HOMER2: variants seen among roughly 807,000 people sequenced by gnomAD.
The protein encoded by HOMER2 is homer scaffold protein 2.
HOMER2 carries 27 observed loss-of-function variants against 47.0 expected under a neutral mutation model. The ratio of observed to expected loss-of-function variants is 0.57; its 90% CI spans 0.42 to 0.79. The LOEUF (loss-of-function observed/expected upper bound fraction) is 0.79, where lower values mean the gene tolerates loss of function less well. Ranked by LOEUF, HOMER2 falls within the 30% of genes least tolerant of loss-of-function variation. The pLI, the probability that HOMER2 is intolerant of heterozygous loss-of-function variation, is 0.00. For synonymous variants in HOMER2, 161 were observed against 163.8 expected, an observed-to-expected ratio of 0.98 and a Z score of 0.13; for missense variants, 443 against 435.0, an observed-to-expected ratio of 1.02 and a Z score of -0.16.
intron 1 of HOMER2, among the ~76,000 whole-genome samples, chr15:82,900,591 CAGA>C (rs1434795255): frequency 6.6e-6 from 1 of 152,124 alleles, no homozygotes; most frequent in African/African-American, 2.4e-5. Flanking sequence ...GCAAACAAGG[CAGA>C]AGGTCTTAGC....
At chr15:82,934,993 C>T (rs1333148801) in intron 1 of HOMER2, among the ~76,000 whole-genome samples, 1 of 152,146 alleles carries the variant, frequency 6.6e-6, no homozygotes, top group African/African-American at 2.4e-5. Flanking sequence ...CCACACCAAT[C>T]CCGCCTGCAT....
At position 82,851,330 on chromosome 15, in the gene HOMER2, G is replaced by A. The variant is rs1193113492; in HGVS notation, c.763-99C>T. ...TGCACGCTCGTGGAAGCAGCTTTGG[G>A]ACCCTGTCCTGTTTGCATAGACAGT... is the stretch of plus-strand genomic sequence containing the variant. On this transcript the variant is annotated intron_variant, in intron 7 of 8. Coordinates refer to ENST00000450735, the MANE Select transcript of HOMER2 (RefSeq NM_004839.4). The A allele has an allele frequency of 6.4e-6, 5 of 785,350 alleles. No homozygotes were observed. The Admixed American group carries it at 1.0e-4, about 16-fold the overall frequency. The allele number at this position is 785,350 out of a possible 1,614,324, so 48.6% of individuals were successfully genotyped here. A position where few individuals can be genotyped will look rare whatever the true frequency, so the allele number is the denominator to read the frequency against.
chr15:82,858,287 CTTTTT>C (rs368230707), intron 5 of HOMER2, among the ~76,000 whole-genome samples: 4 of 148,218 alleles, frequency 2.7e-5, no homozygotes, highest in African/African-American at 9.9e-5. Flanking sequence ...GTTCAAAATT[CTTTTT>C]TTTTTCTTTT....
At chr15:82,894,595 C>T (rs1476082787) in intron 1 of HOMER2, among the ~76,000 whole-genome samples, 12 of 148,190 alleles carry the variant, frequency 8.1e-5, no homozygotes, top group Admixed American at 2.8e-4. Flanking sequence ...GGCGTGAACC[C>T]GGGAGGCAGA....
intron 1 of HOMER2, among the ~76,000 whole-genome samples, chr15:82,903,256 C>G (rs1251592874): frequency 6.6e-6 from 1 of 152,088 alleles, no homozygotes; most frequent in African/African-American, 2.4e-5. Flanking sequence ...TTCAAAATGG[C>G]GTCGGGAGCA....
intron 1 of HOMER2, among the ~76,000 whole-genome samples, chr15:82,966,090 G>A (rs1039093311): frequency 6.6e-6 from 1 of 152,112 alleles, no homozygotes; most frequent in Non-Finnish European, 1.5e-5. Flanking sequence ...GACAGAGTGA[G>A]ACCCTGTCCC....
At chr15:82,843,581 C>T (rs1180266046) in exon 2 of HOMER2, 7 of 132,262 alleles carry the variant, frequency 5.3e-5, no homozygotes, top group African/African-American at 1.7e-4. Flanking sequence ...AATGTCTAAA[C>T]GTTTTTAAAA....
At chr15:82,973,138 T>A (rs939753617) in intron 1 of HOMER2, among the ~76,000 whole-genome samples, 5 of 152,228 alleles carry the variant, frequency 3.3e-5, no homozygotes, top group Non-Finnish European at 5.9e-5. Flanking sequence ...GTGTCTAATA[T>A]GAAAGCAAAC....
chr15:82,950,331 A>G (rs890759612), intron 1 of HOMER2, among the ~76,000 whole-genome samples: 1 of 152,150 alleles, frequency 6.6e-6, no homozygotes, highest in African/African-American at 2.4e-5. Context: ...AGGGAGGAGA[A>G]GCATCTCAAG....
chr15:82,856,382 A>G (rs916082121), intron 5 of HOMER2, among the ~76,000 whole-genome samples: 6 of 152,106 alleles, frequency 3.9e-5, no homozygotes, highest in Non-Finnish European at 8.8e-5. Context: ...GGAGGCCAAG[A>G]AGGGAGGATA....
intron 1 of HOMER2, among the ~76,000 whole-genome samples, chr15:82,922,247 A>G (rs2053748561): frequency 6.6e-6 from 1 of 152,190 alleles, no homozygotes; most frequent in Admixed American, 6.5e-5. Flanking sequence ...GAACTGGCAA[A>G]CATATGTGGG....
intron 4 of HOMER2, among the ~76,000 whole-genome samples, chr15:82,862,194 T>C (rs56686717): frequency 0.095 from 14,414 of 151,958 alleles, 810 homozygotes; most frequent in East Asian, 0.21. Context: ...TGAGCCGCTG[T>C]ACCCAGCCTT....
chr15:82,924,360 C>CTTTTT (rs11318640), intron 1 of HOMER2, among the ~76,000 whole-genome samples: 3 of 127,602 alleles, frequency 2.4e-5, no homozygotes, highest in South Asian at 4.9e-4. Flanking sequence ...TGTGCTGGCC[C>CTTTTT]TTTTTTTTTT....
rs145105066 is a variant in HOMER2 at position 82,971,927 on chromosome 15, A to G, written n.83-12619T>C. On this transcript the variant is annotated intron_variant and non_coding_transcript_variant, in intron 1 of 1. Coordinates refer to the HOMER2 transcript ENST00000500334. ...TTAACTCCTGCCCTTAAGGTTTTCC[A>G]GGCCTAAATCTCCTCTTCTATTCTC... Among the ~76,000 whole-genome samples, 35 of 152,314 alleles carry G rather than the reference A, an allele frequency of 2.3e-4. No individual in the cohort carries two copies. In the East Asian group the frequency reaches 5.8e-3, roughly 25 times the overall value.
At chr15:82,836,015 GA>G (rs779760985), downstream of HOMER2, 6 of 152,194 alleles carry the variant, frequency 3.9e-5, no homozygotes, top group Non-Finnish European at 5.9e-5. Context: ...ATAATTCTCA[GA>G]ATTTGCTTTC....
intron 1 of HOMER2, among the ~76,000 whole-genome samples, chr15:82,967,738 G>T (rs1356521912): frequency 6.6e-6 from 1 of 152,026 alleles, no homozygotes; most frequent in African/African-American, 2.4e-5. Flanking sequence ...TTAGCTGGGC[G>T]TTGTGGCGGG....
chr15:82,852,061 A>G, intron 7 of HOMER2, 81 bp downstream of exon 7: 1 of 880,974 alleles, frequency 1.1e-6, no homozygotes. Flanking sequence ...GGCCAGTCAT[A>G]GGCCCCAAGA....
intron 1 of HOMER2, among the ~76,000 whole-genome samples, chr15:82,932,040 TCTA>T (rs2054024958): frequency 6.6e-6 from 1 of 152,174 alleles, no homozygotes; most frequent in East Asian, 1.9e-4. Flanking sequence ...GACAGGACTT[TCTA>T]CTACGAGATA....
chr15:82,894,816 A>T (rs71412277), intron 1 of HOMER2, among the ~76,000 whole-genome samples: 1 of 150,696 alleles, frequency 6.6e-6, no homozygotes, highest in African/African-American at 2.4e-5. Context: ...AGAGACATAG[A>T]CAAGATACAA....
Sources: gnomAD v4.1 joint callset for allele counts (sites outside exome capture counted in the v4.1 genomes callset) on GRCh38, gnomAD v4.1.1 for gene constraint, MANE v1.5 for transcripts, NCBI Gene and HGNC (gene_info 2026-07-23, HGNC 2026-07-21) for gene names.